The following KCNH3 variants were observed in gnomAD, a reference collection of about 807,000 sequenced individuals.
KCNH3 encodes the protein voltage-gated inwardly rectifying potassium channel KCNH3.
A neutral mutation model predicts 95.6 loss-of-function variants in KCNH3; 36 were observed. The ratio of observed to expected loss-of-function variants is 0.38; its 90% CI spans 0.29 to 0.50. The LOEUF (loss-of-function observed/expected upper bound fraction) is 0.50, where lower values mean the gene tolerates loss of function less well. KCNH3 is among the 20% of genes least tolerant of loss of function. KCNH3 has a pLI of 0.95. For synonymous variants in KCNH3, 620 were observed against 646.3 expected, an observed-to-expected ratio of 0.96 and a Z score of 0.62; for missense variants, 1,030 against 1,484.1, an observed-to-expected ratio of 0.69 and a Z score of 5.03.
At chr12:49,550,041 A>ACGGGCCCC in intron 9 of KCNH3, 39 bp from the exon 10 acceptor site, 4 of 1,492,152 alleles carry the variant, frequency 2.7e-6, no homozygotes, top group South Asian at 1.3e-5. Flanking sequence ...CTCTTCTGCC[A>ACGGGCCCC]CTCCCAACCC....
rs758428744 is a variant in KCNH3 at position 49,557,818 on chromosome 12, C to T, written c.3117C>T (p.Thr1039=). ...PAEPVSQAEA[T]STGEPPPGSG... ...AGCCTGTGAGCCAGGCTGAGGCTAC[C>T]AGCACTGGAGAGCCCCCACCAGGGT... is the stretch of plus-strand genomic sequence containing the variant. Residue 1039 remains threonine, a synonymous_variant, in exon 15 of 15, where the codon ACC becomes ACT. Coordinates refer to ENST00000257981, the MANE Select transcript of KCNH3 (RefSeq NM_012284.3). The T allele has an allele frequency of 8.7e-6, 14 of 1,604,582 alleles. No individual in the cohort carries two copies. The Admixed American group carries it at 2.4e-4, about 27-fold the overall frequency.
At chr12:49,554,689 C>G (rs1466433841) in intron 11 of KCNH3, 135 bp downstream of exon 11, 3 of 744,524 alleles carry the variant, frequency 4.0e-6, no homozygotes, top group Non-Finnish European at 6.7e-6. Context: ...GGGCAGGGGT[C>G]TACACCCTCT....
intron 3 of KCNH3, among the ~76,000 whole-genome samples, chr12:49,542,141 G>A (rs1488269043): frequency 1.3e-5 from 2 of 152,216 alleles, no homozygotes; most frequent in Non-Finnish European, 2.9e-5. Context: ...CTGCTTTTAA[G>A]TTCTTCGAGT....
chr12:49,545,412 T>C (rs1225870500), intron 7 of KCNH3, among the ~76,000 whole-genome samples: 3 of 148,170 alleles, frequency 2.0e-5, no homozygotes, highest in African/African-American at 7.5e-5. Context: ...GCTTTTTTTT[T>C]TTTTTTTTTT....
intron 3 of KCNH3, 81 bp downstream of exon 3, chr12:49,541,845 G>A (rs1937881943): frequency 6.6e-7 from 1 of 1,514,024 alleles, no homozygotes; most frequent in South Asian, 1.2e-5. Context: ...CTGAGTACGG[G>A]GGTCCCCCAT....
intron 6 of KCNH3, 30 bp from the exon 7 acceptor site, chr12:49,544,145 T>TACCAACCAA: frequency 1.2e-6 from 1 of 818,380 alleles, no homozygotes; most frequent in Non-Finnish European, 2.0e-6. Flanking sequence ...CTGACCTCCC[T>TACCAACCAA]CCCTCCCTCC....
intron 10 of KCNH3, among the ~76,000 whole-genome samples, chr12:49,553,121 G>A (rs1233485849): frequency 1.3e-5 from 2 of 149,776 alleles, no homozygotes; most frequent in Non-Finnish European, 2.9e-5. Flanking sequence ...CCCGGACTGC[G>A]TGCCTATCCC....
At chr12:49,542,570 C>A in intron 3 of KCNH3, 136 bp from the exon 4 acceptor site, 2 of 1,048,706 alleles carry the variant, frequency 1.9e-6, no homozygotes, top group Non-Finnish European at 2.7e-6. Flanking sequence ...AATACCTGAG[C>A]CCCCAACTCT....
rs370577523 is a variant in KCNH3 at position 49,550,109 on chromosome 12, C to T, written c.1698C>T (p.Arg566=). ...TGCAGAGCCTCCCTGACGAGCTGCG[C>T]GCAGACATCGCCATGCACCTGCACA... ...ELLQSLPDEL[R]ADIAMHLHKE... Residue 566 remains arginine, a synonymous_variant, in exon 10 of 15, where the codon CGC becomes CGT. Coordinates refer to ENST00000257981, the MANE Select transcript of KCNH3 (RefSeq NM_012284.3). 9 of 1,598,314 alleles carry T rather than the reference C, an allele frequency of 5.6e-6. No homozygotes were observed. The highest frequency in any genetic ancestry group is 6.0e-6 in the Non-Finnish European group (7 of 1,173,182).
At position 49,557,217 on chromosome 12, in the gene KCNH3, C is replaced by T. The variant is rs571172358; in HGVS notation, c.2610C>T (p.Ser870=). The change falls in exon 14 of 15, where the codon AGC becomes AGT. Residue 870 remains serine (S), a synonymous_variant. Coordinates refer to ENST00000257981, the MANE Select transcript of KCNH3 (RefSeq NM_012284.3). The stretch of plus-strand genomic sequence containing the variant: ...TGCTCACTGTTCCCCATGGGCCCAG[C>T]GAGGCAAGGAACACAGACACACTGG... ...SGLLTVPHGP[S]EARNTDTLDK... 4 of 1,613,782 alleles carry T rather than the reference C, an allele frequency of 2.5e-6. No individual in the cohort carries two copies. The highest frequency in any genetic ancestry group is 1.1e-5 in the South Asian group (1 of 91,046).
chr12:49,552,553 T>C (rs1237776843), intron 10 of KCNH3, among the ~76,000 whole-genome samples: 1 of 152,214 alleles, frequency 6.6e-6, no homozygotes, highest in East Asian at 1.9e-4. Context: ...CTCACCTACC[T>C]TTTTACTCGA....
In KCNH3 at chr12:49,544,520, TGTGA is replaced by T. The variant is rs931486288; in HGVS notation, c.1189+142_1189+145del. ...CAAATCAGAGAAGAGGGTGTGCAGG[TGTGA>T]GTGTGACAGCCACCACCACGTGACG... On this transcript the variant is annotated intron_variant, in intron 7 of 14. Coordinates refer to ENST00000257981, the MANE Select transcript of KCNH3 (RefSeq NM_012284.3). The T allele has an allele frequency of 2.1e-5, 18 of 839,996 alleles. No individual in the cohort carries two copies. The Admixed American group carries it at 2.6e-4, about 12-fold the overall frequency. 52.0% of individuals were successfully genotyped at this position (839,996 alleles called of 1,614,324 possible).
intron 11 of KCNH3, among the ~76,000 whole-genome samples, chr12:49,554,883 C>A (rs1938380937): frequency 6.6e-6 from 1 of 152,194 alleles, no homozygotes. Flanking sequence ...CAGAGACAGG[C>A]ACCAGCTCTT....
At chr12:49,542,933 G>GT in intron 4 of KCNH3, 94 bp downstream of exon 4, 2 of 1,465,100 alleles carry the variant, frequency 1.4e-6, no homozygotes, top group Non-Finnish European at 1.8e-6. Flanking sequence ...AATGTCCTAG[G>GT]GGCCACCCAG....
chr12:49,541,492 A>G, intron 2 of KCNH3, 138 bp from the exon 3 acceptor site: 1 of 1,007,200 alleles, frequency 9.9e-7, no homozygotes, highest in Non-Finnish European at 1.5e-6. Context: ...CTTCAGTGAA[A>G]CTGGACTGCC....
At chr12:49,540,163 G>C (rs1320601636) in intron 1 of KCNH3, among the ~76,000 whole-genome samples, 1 of 152,136 alleles carries the variant, frequency 6.6e-6, no homozygotes, top group Non-Finnish European at 1.5e-5. Flanking sequence ...CCCCCGTGGG[G>C]CTTCCCAGCT....
At chr12:49,546,476 T>G (rs556065420) in intron 7 of KCNH3, among the ~76,000 whole-genome samples, 25 of 152,138 alleles carry the variant, frequency 1.6e-4, no homozygotes, top group African/African-American at 5.5e-4. Flanking sequence ...CCCAGTTCAG[T>G]CTGGTGGGCA....
In KCNH3 at chr12:49,549,053, A is replaced by G. The variant is rs760970793; in HGVS notation, c.1348A>G (p.Ser450Gly). 1 of 1,612,276 alleles carries G rather than the reference A, an allele frequency of 6.2e-7. No homozygotes were observed. Among genetic ancestry groups the G allele is most frequent in the Non-Finnish European group, 8.5e-7 (1 of 1,179,718 alleles). ...LELLGGPSLR[S>G]AYITSLYFAL... is the part of the protein sequence containing the mutation. Reference sequence around the variant, plus strand: ...GCTGCTGGGCGGCCCGTCGCTGCGCAGCGCCTACATCACCTCCCTCTACTT... The same window carrying G: ...GCTGCTGGGCGGCCCGTCGCTGCGCGGCGCCTACATCACCTCCCTCTACTT... The change falls in exon 8 of 15, where the codon AGC becomes GGC. Residue 450 changes from serine (S) to glycine (G), a missense_variant. Physicochemically the swap from Ser to Gly is moderately conservative, Grantham distance 56. This residue lies in a region of KCNH3 where 13 missense variants were observed against 64.5 expected (regional missense o/e 0.20). Coordinates refer to ENST00000257981, the MANE Select transcript of KCNH3 (RefSeq NM_012284.3).
In KCNH3 at chr12:49,542,709, GTGGCCGGCGCCGATA is replaced by G; in HGVS notation, c.457_471del (p.Arg153_Arg157del). 1 of 1,574,144 alleles carries G rather than the reference GTGGCCGGCGCCGATA, an allele frequency of 6.4e-7. No individual in the cohort carries two copies. Among genetic ancestry groups the G allele is most frequent in the Non-Finnish European group, 8.6e-7 (1 of 1,160,460 alleles). On this transcript the variant is annotated inframe_deletion, in exon 4 of 15. Transcript: ENST00000257981. ...ATGGGCCCCTCTTCTTTCGCAGGTG[GTGGCCGGCGCCGATA>G]TGGCCGGGCACGATCCAAAGGCTTC... is the stretch of plus-strand genomic sequence containing the variant.
Sources: gnomAD v4.1 joint callset for allele counts (sites outside exome capture counted in the v4.1 genomes callset) on GRCh38, gnomAD v4.1.1 for gene constraint, gnomAD v4.1.1 regional missense constraint, MANE v1.5 for transcripts, NCBI Gene and HGNC (gene_info 2026-07-23, HGNC 2026-07-21) for gene names.